MCF2: variants seen among roughly 807,000 people sequenced by gnomAD.
MCF2 encodes the protein MCF.2 cell line derived transforming sequence.
A neutral mutation model predicts 82.5 loss-of-function variants in MCF2; 44 were observed. That is an observed-to-expected ratio of 0.53 (90% CI 0.42 to 0.69). The LOEUF (loss-of-function observed/expected upper bound fraction) is 0.69, where lower values mean the gene tolerates loss of function less well. MCF2 is among the 30% of genes least tolerant of loss of function. The pLI, the probability that MCF2 is intolerant of heterozygous loss-of-function variation, is 0.00. For missense variants in MCF2, 623 were observed against 663.1 expected, an observed-to-expected ratio of 0.94 and a Z score of 0.66; for synonymous variants, 217 against 224.9, an observed-to-expected ratio of 0.96 and a Z score of 0.32.
At chrX:139,708,020 A>G (rs1272392134) in intron 1 of MCF2, 86 bp downstream of exon 1, 1 of 111,368 alleles carries the variant, frequency 9.0e-6, no homozygotes. Context: ...GCTATGGGGG[A>G]TGCTATCTAT....
At chrX:139,691,753 G>A (rs1935270071) in intron 1 of MCF2, among the ~76,000 whole-genome samples, 1 of 98,449 alleles carries the variant, frequency 1.0e-5, no homozygotes, top group Non-Finnish European at 2.1e-5. Context: ...CGGGCGGGCG[G>A]GCGAGGTGGG....
At chrX:139,611,416 C>T (rs1221965204) in intron 10 of MCF2, among the ~76,000 whole-genome samples, 6 of 112,071 alleles carry the variant, frequency 5.4e-5, no homozygotes, top group Admixed American at 1.9e-4. Context: ...TGCTCCACTT[C>T]AAAGAAACCT....
At chrX:139,594,180 C>G (rs1929814270) in intron 19 of MCF2, among the ~76,000 whole-genome samples, 2 of 109,382 alleles carry the variant, frequency 1.8e-5, no homozygotes, top group Admixed American at 2.0e-4. Context: ...AATGCCATCC[C>G]CATCAAGCTA....
At chrX:139,602,263 TG>T (rs771955470) in intron 16 of MCF2, 142 bp downstream of exon 20, 5 of 480,254 alleles carry the variant, frequency 1.0e-5, no homozygotes, top group Admixed American at 3.5e-5. Flanking sequence ...TTGTGTGTGT[TG>T]GGGGGGAGGG....
intron 10 of MCF2, among the ~76,000 whole-genome samples, chrX:139,613,804 A>C (rs1039648429): frequency 3.6e-5 from 4 of 111,050 alleles, no homozygotes; most frequent in Non-Finnish European, 7.6e-5. Flanking sequence ...TATCTTTGCT[A>C]TATCTTTGAT....
At chrX:139,653,501 C>A (rs1471679801) in intron 1 of MCF2, among the ~76,000 whole-genome samples, 5 of 110,906 alleles carry the variant, frequency 4.5e-5, no homozygotes, top group Non-Finnish European at 9.4e-5. Context: ...TCTTGCATAG[C>A]TATGGAAACT....
chrX:139,609,558 A>AG lies in MCF2; in HGVS notation c.1401+742_1401+743insC, dbSNP rs764553570. The stretch of plus-strand genomic sequence containing the variant: ...AGCGAGACCCTGTCTCAAAAAAAAA[A>AG]AGAGAGAGAGAAAAGAAAATGTGGG... On this transcript the variant is annotated intron_variant, in intron 11 of 24. Coordinates refer to ENST00000370576, the Ensembl canonical transcript of MCF2. Among the ~76,000 whole-genome samples, 217 of 110,488 alleles carry AG rather than the reference A, an allele frequency of 2.0e-3. 2 individuals carry two copies. Among genetic ancestry groups the AG allele is most frequent in the Non-Finnish European group, 3.1e-3 (161 of 52,743 alleles).
chrX:139,649,102 C>A lies in MCF2; in HGVS notation c.26-2199G>T, dbSNP rs1422144367. Reference sequence around the variant, plus strand: ...ATCCAACAAAAGCAGAATACACTTTCTTCTCTAGTGCACATGGAAAAAGAT... The same window carrying A: ...ATCCAACAAAAGCAGAATACACTTTATTCTCTAGTGCACATGGAAAAAGAT... On this transcript the variant is annotated intron_variant, in intron 2 of 27. Coordinates refer to the MCF2 transcript ENST00000414978. Among the ~76,000 whole-genome samples, 8 of 112,535 alleles carry A rather than the reference C, an allele frequency of 7.1e-5. 1 individual carries two copies. The highest frequency in any genetic ancestry group is 2.8e-4 in the Admixed American group (3 of 10,635).
At chrX:139,605,724 T>C (rs1339783605) in exon 13 of MCF2, 1 of 1,201,460 alleles carries the variant, frequency 8.3e-7, no homozygotes, top group Non-Finnish European at 1.1e-6. Context: ...AACAAAACAG[T>C]ATACAGTTCT....
At chrX:139,639,232 A>G (rs1933414496) in intron 1 of MCF2, among the ~76,000 whole-genome samples, 1 of 112,202 alleles carries the variant, frequency 8.9e-6, no homozygotes, top group Admixed American at 9.5e-5. Flanking sequence ...TTCATTTTTG[A>G]GAACTTGTCA....
chrX:139,623,139 G>A (rs1278403545), intron 6 of MCF2, among the ~76,000 whole-genome samples: 1 of 111,575 alleles, frequency 9.0e-6, no homozygotes. Flanking sequence ...TGGTGGGAAA[G>A]TAAATTAGTT....
chrX:139,587,611 T>C (rs969107806), intron 22 of MCF2, 105 bp downstream of exon 26: 1 of 540,849 alleles, frequency 1.8e-6, no homozygotes, highest in Non-Finnish European at 3.1e-6. Context: ...TATTGCTAAA[T>C]TGGTGGATGG....
chrX:139,655,024 A>G (rs1285662143), intron 1 of MCF2, among the ~76,000 whole-genome samples: 1 of 112,151 alleles, frequency 8.9e-6, no homozygotes, highest in African/African-American at 3.2e-5. Context: ...TGCCAGTATC[A>G]TGCTGTTATG....
chrX:139,692,214 C>T lies in MCF2; in HGVS notation c.-45+15892G>A, dbSNP rs1935288432. On this transcript the variant is annotated intron_variant, in intron 1 of 27. Transcript: ENST00000414978. ...GCTGGAGAGCCGGGCAGGGCCGCTA[C>T]TCCAGCCAGCAGCTGCCCAGCTCTG... 6.8e-6 allele frequency: 5 copies of T among 736,478 alleles called. No individual in the cohort carries two copies. In the South Asian group the frequency reaches 1.1e-4, roughly 16 times the overall value. The allele number at this position is 736,478 out of a possible 1,213,427, so 60.7% of individuals were successfully genotyped here. A position where few individuals can be genotyped will look rare whatever the true frequency, so the allele number is the denominator to read the frequency against.
intron 1 of MCF2, among the ~76,000 whole-genome samples, chrX:139,639,019 C>G (rs1173531017): frequency 9.0e-6 from 1 of 111,701 alleles, no homozygotes. Flanking sequence ...AATGAACAAT[C>G]AAACAGCATA....
At chrX:139,640,452 G>C (rs1033948509) in intron 1 of MCF2, among the ~76,000 whole-genome samples, 2 of 111,697 alleles carry the variant, frequency 1.8e-5, no homozygotes, top group African/African-American at 6.5e-5. Flanking sequence ...CTTGTCAAGT[G>C]ACGTCAGGAG....
chrX:139,636,479 G>C (rs904675669), intron 1 of MCF2, among the ~76,000 whole-genome samples: 1 of 111,213 alleles, frequency 9.0e-6, no homozygotes, highest in African/African-American at 3.3e-5. Context: ...CTTGTATCTA[G>C]AATTATCTGG....
chrX:139,608,546 T>C (rs951798334), intron 11 of MCF2, among the ~76,000 whole-genome samples: 3 of 111,324 alleles, frequency 2.7e-5, no homozygotes, highest in African/African-American at 9.8e-5. Context: ...CTCAGCTGTA[T>C]TGGACAGCTG....
At chrX:139,682,321 T>C (rs1935018942) in intron 1 of MCF2, among the ~76,000 whole-genome samples, 1 of 111,755 alleles carries the variant, frequency 8.9e-6, no homozygotes, top group African/African-American at 3.3e-5. Flanking sequence ...AACCATTCAG[T>C]AGAGATGGCA....
Sources: gnomAD v4.1 joint callset for allele counts (sites outside exome capture counted in the v4.1 genomes callset) on GRCh38, gnomAD v4.1.1 for gene constraint, MANE v1.5 for transcripts, NCBI Gene and HGNC (gene_info 2026-07-23, HGNC 2026-07-21) for gene names.